Variants in CRB1 observed in about 807,000 individuals in gnomAD.
The protein encoded by CRB1 is crumbs cell polarity complex component 1.
A neutral mutation model predicts 120.0 loss-of-function variants in CRB1; 83 were observed. The observed-to-expected ratio is 0.69, with a 90% confidence interval of 0.58 to 0.83. CRB1 has a LOEUF of 0.83. Among genes scored for constraint, CRB1 ranks in the 40% least tolerant of loss-of-function variants. The probability of loss-of-function intolerance (pLI) is 0.00; values close to 1 mark genes in which losing one functional copy is unlikely to be tolerated. For missense variants in CRB1, 1,699 were observed against 1,687.6 expected (o/e 1.01, Z -0.12); for synonymous variants, 625 against 612.5 (o/e 1.02, Z -0.30).
rs755008059 is a variant in CRB1 at position 197,328,746 on chromosome 1, C to A, written c.395C>A (p.Pro132His). Residue 132 changes from proline to histidine, a missense_variant, in exon 2 of 12, where the codon CCT becomes CAT. Physicochemically the swap from Pro to His is moderately conservative, Grantham distance 77. Coordinates refer to ENST00000367400, the MANE Select transcript of CRB1 (RefSeq NM_201253.3). ...GGICHQDPIYPVCICPAGYAG... is the reference protein window; with the variant it reads ...GGICHQDPIYHVCICPAGYAG... Reference sequence around the variant, plus strand: ...ATTTGCCATCAGGACCCTATTTATCCTGTCTGCATCTGCCCTGCTGGATAT... The same window carrying A: ...ATTTGCCATCAGGACCCTATTTATCATGTCTGCATCTGCCCTGCTGGATAT... 1.2e-6 allele frequency: 2 copies of A among 1,611,440 alleles called. No individual in the cohort carries two copies. The highest frequency in any genetic ancestry group is 1.7e-6 in the Non-Finnish European group (2 of 1,178,086).
At chr1:197,279,541 T>TC (rs893559598) in intron 1 of CRB1, among the ~76,000 whole-genome samples, 3 of 151,054 alleles carry the variant, frequency 2.0e-5, no homozygotes, top group African/African-American at 7.2e-5. Context: ...TTCTGGCTTT[T>TC]TTTTTTTTTT....
chr1:197,335,197 G>A (rs2125314443), intron 2 of CRB1, among the ~76,000 whole-genome samples: 1 of 152,274 alleles, frequency 6.6e-6, no homozygotes, highest in African/African-American at 2.4e-5. Context: ...AGTGAAGGAG[G>A]AAGGAGATAG....
intron 3 of CRB1, 75 bp from the exon 4 acceptor site, chr1:197,347,265 G>C: frequency 7.3e-7 from 1 of 1,371,620 alleles, no homozygotes; most frequent in Non-Finnish European, 1.0e-6. Context: ...TTGATAGACA[G>C]TTGAAGAAAC....
the CRB1 span, among the ~76,000 whole-genome samples, chr1:197,232,732 A>G: frequency 2.6e-5 from 4 of 152,200 alleles, no homozygotes; most frequent in African/African-American, 9.6e-5. Flanking sequence ...TGTATGTGGT[A>G]ACAGTTCATC....
chr1:197,319,192 G>T (rs1339049254), intron 1 of CRB1, among the ~76,000 whole-genome samples: 2 of 144,408 alleles, frequency 1.4e-5, no homozygotes, highest in Non-Finnish European at 3.0e-5. Flanking sequence ...GGGGGGCTGA[G>T]GTGGGCAAAT....
intron 4 of CRB1, among the ~76,000 whole-genome samples, chr1:197,352,904 A>G (rs1660188217): frequency 6.6e-6 from 1 of 152,174 alleles, no homozygotes; most frequent in Admixed American, 6.5e-5. Flanking sequence ...TTAATAGTCA[A>G]TTCCCTGGTT....
chr1:197,373,053 T>C (rs1443209174), intron 5 of CRB1, among the ~76,000 whole-genome samples: 1 of 152,136 alleles, frequency 6.6e-6, no homozygotes, highest in Non-Finnish European at 1.5e-5. Flanking sequence ...TGATCTGTGC[T>C]CGGGTGCTAG....
At chr1:197,320,412 A>C (rs1658120987) in intron 1 of CRB1, among the ~76,000 whole-genome samples, 1 of 152,196 alleles carries the variant, frequency 6.6e-6, no homozygotes, top group Non-Finnish European at 1.5e-5. Context: ...ACTAGGTATT[A>C]CATGGGGAAG....
chr1:197,262,429 A>G, the CRB1 span, among the ~76,000 whole-genome samples: 1 of 152,082 alleles, frequency 6.6e-6, no homozygotes, highest in Non-Finnish European at 1.5e-5. Flanking sequence ...CATTTTGATT[A>G]TTGTTCTACT....
chr1:197,369,055 G>A (rs1467415353), intron 5 of CRB1, among the ~76,000 whole-genome samples: 1 of 152,074 alleles, frequency 6.6e-6, no homozygotes, highest in Non-Finnish European at 1.5e-5. Context: ...TGAGGATATT[G>A]GGAGTTGTCC....
At chr1:197,304,437 T>C in intron 1 of CRB1, 1 of 954,386 alleles carries the variant, frequency 1.0e-6, no homozygotes, top group Non-Finnish European at 1.2e-6. Context: ...CTGGTTCAGG[T>C]GTATTCTCAC....
chr1:197,476,146 G>T (rs933419986), intron 11 of CRB1, among the ~76,000 whole-genome samples: 2 of 151,894 alleles, frequency 1.3e-5, no homozygotes, highest in Non-Finnish European at 2.9e-5. Context: ...CTGACCTCAG[G>T]TGATCTGCCC....
chr1:197,413,253 A>G (rs1663803261), intron 5 of CRB1, among the ~76,000 whole-genome samples: 1 of 152,172 alleles, frequency 6.6e-6, no homozygotes, highest in Non-Finnish European at 1.5e-5. Flanking sequence ...CACATATTCA[A>G]ATTATTCTCT....
intron 1 of CRB1, among the ~76,000 whole-genome samples, chr1:197,317,395 GT>G (rs1213395882): frequency 1.3e-5 from 2 of 151,984 alleles, no homozygotes; most frequent in African/African-American, 4.8e-5. Flanking sequence ...TCCAGCCTGG[GT>G]GACAGAGTGA....
intron 8 of CRB1, among the ~76,000 whole-genome samples, chr1:197,431,797 G>T (rs1485370118): frequency 6.6e-6 from 1 of 152,166 alleles, no homozygotes; most frequent in Admixed American, 6.5e-5. Flanking sequence ...TTATCTTAGT[G>T]TAGAGAGAAA....
intron 2 of CRB1, among the ~76,000 whole-genome samples, chr1:197,343,577 T>C (rs1659594461): frequency 6.6e-6 from 1 of 152,158 alleles, no homozygotes; most frequent in Admixed American, 6.6e-5. Flanking sequence ...TTAAGGGTAG[T>C]ATTTTACAAA....
intron 5 of CRB1, among the ~76,000 whole-genome samples, chr1:197,369,271 A>T (rs760788126): frequency 6.6e-6 from 1 of 152,060 alleles, no homozygotes; most frequent in Non-Finnish European, 1.5e-5. Context: ...TCTTTTCCCA[A>T]TGTCTACTAC....
intron 5 of CRB1, among the ~76,000 whole-genome samples, chr1:197,412,890 T>C (rs1663783396): frequency 6.6e-6 from 1 of 152,220 alleles, no homozygotes. Context: ...TTATTACTGG[T>C]TTCCATCACA....
intron 5 of CRB1, among the ~76,000 whole-genome samples, chr1:197,417,300 G>A (rs999670469): frequency 1.3e-5 from 2 of 152,198 alleles, no homozygotes; most frequent in African/African-American, 4.8e-5. Flanking sequence ...AACCCGAGGT[G>A]TCAGGAAAGA....
Sources: gnomAD v4.1 joint callset for allele counts (sites outside exome capture counted in the v4.1 genomes callset) on GRCh38, gnomAD v4.1.1 for gene constraint, MANE v1.5 for transcripts, NCBI Gene and HGNC (gene_info 2026-07-23, HGNC 2026-07-21) for gene names.